Variants in DTNA observed in about 807,000 individuals in gnomAD.
DTNA encodes dystrophin-related protein 3.
DTNA carries 43 observed loss-of-function variants against 100.7 expected under a neutral mutation model. That is an observed-to-expected ratio of 0.43 (90% CI 0.33 to 0.55). The LOEUF (loss-of-function observed/expected upper bound fraction) is 0.55, where lower values mean the gene tolerates loss of function less well. Ranked by LOEUF, DTNA falls within the 20% of genes least tolerant of loss-of-function variation. The pLI is 0.04. For synonymous variants in DTNA, 349 were observed against 347.9 expected (o/e 1.00, Z -0.04); for missense variants, 798 against 953.9 (o/e 0.84, Z 2.15).
intron 22 of DTNA, among the ~76,000 whole-genome samples, chr18:34,887,434 A>G (rs1030361153): frequency 6.6e-6 from 1 of 152,196 alleles, no homozygotes; most frequent in Non-Finnish European, 1.5e-5. Flanking sequence ...GTGGCAGCCT[A>G]ATCATGGGTC....
intron 1 of DTNA, among the ~76,000 whole-genome samples, chr18:34,598,717 T>C (rs1432105316): frequency 6.6e-6 from 1 of 151,800 alleles, no homozygotes; most frequent in African/African-American, 2.4e-5. Flanking sequence ...CAAAAAAAAA[T>C]TAGCCAGGTG....
chr18:34,661,518 T>A (rs1476125339), intron 1 of DTNA, among the ~76,000 whole-genome samples: 2 of 152,212 alleles, frequency 1.3e-5, no homozygotes, highest in African/African-American at 4.8e-5. Flanking sequence ...CAGAGTCTAA[T>A]CTGCACTGGT....
In DTNA at chr18:34,560,757, C is replaced by T. The variant is rs568474978; in HGVS notation, c.-2+67243C>T. On this transcript the variant is annotated intron_variant, in intron 1 of 19. Transcript: ENST00000283365. ...CCTATCTCTACAAAAAATACACACACGCACACACACGCAATTAGCCAGGCA... is the reference window on the plus strand; with the variant it reads ...CCTATCTCTACAAAAAATACACACATGCACACACACGCAATTAGCCAGGCA... 8.5e-5 allele frequency among the ~76,000 whole-genome samples: 13 copies of T among 152,064 alleles called. No homozygotes were observed. In the South Asian group the frequency reaches 1.9e-3, roughly 22 times the overall value.
rs2093211817 is a variant in DTNA, at chr18:34,762,141, T to G, written c.68-3820T>G. On this transcript the variant is annotated intron_variant, in intron 2 of 22. Transcript: ENST00000444659. ...TGCCCTGCTGATTTTATTTCTTTAC[T>G]CATTTATTTAAATTCCATCTTTTTA... Among the ~76,000 whole-genome samples the G allele has an allele frequency of 1.3e-5, 2 of 152,232 alleles. 1 individual carries two copies. The highest frequency in any genetic ancestry group is 4.1e-4 in the South Asian group (2 of 4,834).
At chr18:34,882,615 A>C (rs1451933641) in intron 21 of DTNA, among the ~76,000 whole-genome samples, 2 of 151,522 alleles carry the variant, frequency 1.3e-5, no homozygotes, top group African/African-American at 2.4e-5. Flanking sequence ...CGATCCACCC[A>C]CCTCAGCCTC....
intron 20 of DTNA, among the ~76,000 whole-genome samples, chr18:34,881,624 A>G (rs2096874570): frequency 6.6e-6 from 1 of 152,016 alleles, no homozygotes; most frequent in Non-Finnish European, 1.5e-5. Flanking sequence ...AAGAGGTTAA[A>G]TTATAACCAA....
chr18:34,603,251 AAAAATAAAAAT>A (rs1253052710), intron 1 of DTNA, among the ~76,000 whole-genome samples: 1 of 151,052 alleles, frequency 6.6e-6, no homozygotes, highest in African/African-American at 2.5e-5. Context: ...ATCCCATTTA[AAAAATAAAAAT>A]AAAATAAATA....
intron 1 of DTNA, among the ~76,000 whole-genome samples, chr18:34,503,279 ATTTTTTTTTTTTT>A (rs869258771): frequency 1.6e-5 from 1 of 62,042 alleles, no homozygotes; most frequent in Admixed American, 2.5e-4. Flanking sequence ...TAATTGGCTC[ATTTTTTTTTTTTT>A]TTTTTTTTTT....
chr18:34,870,910 A>G (rs1334438984), intron 17 of DTNA, among the ~76,000 whole-genome samples: 1 of 152,084 alleles, frequency 6.6e-6, no homozygotes, highest in African/African-American at 2.4e-5. Flanking sequence ...CCTCTCATGT[A>G]CCCCCACAAC....
upstream of DTNA, among the ~76,000 whole-genome samples, chr18:34,705,825 C>A (rs1267605664): frequency 6.6e-6 from 1 of 152,114 alleles, no homozygotes; most frequent in Non-Finnish European, 1.5e-5. Flanking sequence ...TAAATAAATT[C>A]TGATATATAC....
intron 21 of DTNA, 125 bp from the exon 22 acceptor site, chr18:34,884,603 C>A: frequency 9.4e-7 from 1 of 1,067,304 alleles, no homozygotes; most frequent in Non-Finnish European, 1.5e-6. Flanking sequence ...ACGCTACTCT[C>A]ACTCAATAGA....
chr18:34,529,141 A>T (rs1016860259), intron 1 of DTNA, among the ~76,000 whole-genome samples: 1 of 152,056 alleles, frequency 6.6e-6, no homozygotes, highest in Admixed American at 6.6e-5. Context: ...ATTAAATCCA[A>T]CTTGTTTGAG....
At chr18:34,751,532 T>C (rs912548307) in intron 1 of DTNA, among the ~76,000 whole-genome samples, 6 of 152,222 alleles carry the variant, frequency 3.9e-5, no homozygotes, top group Non-Finnish European at 8.8e-5. Flanking sequence ...CTGAAGTGTC[T>C]CCACTCACAC....
chr18:34,808,406 G>A (rs895312073), intron 5 of DTNA, among the ~76,000 whole-genome samples: 55 of 152,302 alleles, frequency 3.6e-4, no homozygotes, highest in Admixed American at 1.9e-3. Context: ...CCTAGGTGGC[G>A]TCTCAGACCA....
chr18:34,558,718 G>A (rs1271233602), intron 1 of DTNA, among the ~76,000 whole-genome samples: 2 of 152,266 alleles, frequency 1.3e-5, no homozygotes, highest in Non-Finnish European at 2.9e-5. Context: ...TATTTGAGCA[G>A]GGATCTTAAT....
intron 1 of DTNA, among the ~76,000 whole-genome samples, chr18:34,607,411 C>G (rs1035582462): frequency 7.2e-5 from 11 of 152,164 alleles, no homozygotes; most frequent in African/African-American, 2.7e-4. Context: ...TAACAGATTT[C>G]ATGATGCCTA....
chr18:34,649,454 C>T (rs1004887150), intron 1 of DTNA, among the ~76,000 whole-genome samples: 1 of 152,178 alleles, frequency 6.6e-6, no homozygotes, highest in Non-Finnish European at 1.5e-5. Flanking sequence ...GATAGAGCCT[C>T]ATTTCTGTGA....
chr18:34,558,375 G>A (rs1362735561), intron 1 of DTNA, among the ~76,000 whole-genome samples: 1 of 152,078 alleles, frequency 6.6e-6, no homozygotes, highest in Non-Finnish European at 1.5e-5. Context: ...GTTCCTATTC[G>A]GCCATCTTGG....
chr18:34,870,720 C>A (rs2150260857), intron 17 of DTNA, among the ~76,000 whole-genome samples: 1 of 152,208 alleles, frequency 6.6e-6, no homozygotes, highest in Non-Finnish European at 1.5e-5. Flanking sequence ...GACACCAGAG[C>A]CACAATGGCC....
Sources: allele counts gnomAD v4.1 joint callset (sites outside exome capture counted in the v4.1 genomes callset), GRCh38; gene constraint gnomAD v4.1.1; transcripts MANE v1.5; gene names NCBI Gene and HGNC (gene_info 2026-07-23, HGNC 2026-07-21).